The following NEBL variants were observed in gnomAD, a reference collection of about 807,000 sequenced individuals.
NEBL encodes the protein LIM and SH3 protein 2.
In NEBL, 122 loss-of-function variants were observed where a neutral mutation model predicts 140.2. That is an observed-to-expected ratio of 0.87 (90% CI 0.75 to 1.01). The LOEUF (loss-of-function observed/expected upper bound fraction) is 1.01, where lower values mean the gene tolerates loss of function less well. Ranked by LOEUF, NEBL falls within the 50% of genes least tolerant of loss-of-function variation. NEBL has a pLI of 0.00. For missense variants in NEBL, 1,365 were observed against 1,231.3 expected, an observed-to-expected ratio of 1.11 and a Z score of -1.62; for synonymous variants, 436 against 398.9, an observed-to-expected ratio of 1.09 and a Z score of -1.11.
chr10:21,208,243 G>T (rs763260955), intron 3 of NEBL, among the ~76,000 whole-genome samples: 2 of 152,144 alleles, frequency 1.3e-5, no homozygotes, highest in Non-Finnish European at 2.9e-5. Context: ...AGCTCATGGG[G>T]GTCCTTCAGA....
At chr10:21,270,162 ACTGCAACTCCC>A (rs1018138400) in intron 1 of NEBL, among the ~76,000 whole-genome samples, 5 of 152,200 alleles carry the variant, frequency 3.3e-5, no homozygotes, top group Non-Finnish European at 7.3e-5. Context: ...CATAAATGAT[ACTGCAACTCCC>A]CTACAGTTTC....
chr10:21,057,292 A>T (rs1835066519), intron 2 of NEBL, among the ~76,000 whole-genome samples: 1 of 152,128 alleles, frequency 6.6e-6, no homozygotes, highest in South Asian at 2.1e-4. Flanking sequence ...GGTAAGGCAG[A>T]GTAATGTGTG....
intron 3 of NEBL, among the ~76,000 whole-genome samples, chr10:20,990,214 T>C (rs945082277): frequency 3.0e-4 from 45 of 152,204 alleles, no homozygotes; most frequent in Admixed American, 1.4e-3. Context: ...GCCAATAAAC[T>C]TTATACAACT....
At chr10:20,851,264 G>C (rs1323859088) in intron 10 of NEBL, among the ~76,000 whole-genome samples, 3 of 151,908 alleles carry the variant, frequency 2.0e-5, no homozygotes, top group African/African-American at 7.3e-5. Flanking sequence ...TAAAATTTAT[G>C]TTTAATAATA....
intron 2 of NEBL, chr10:21,125,871 T>C: frequency 6.2e-7 from 1 of 1,613,992 alleles, no homozygotes; most frequent in Non-Finnish European, 8.5e-7. Flanking sequence ...TGAACTTTTC[T>C]TTTATGCCCT....
Position 20,897,190 on chromosome 10 carries a change from A to G in NEBL, c.16T>C (p.Phe6Leu), listed in dbSNP as rs777445403. 3.0e-5 allele frequency: 48 copies of G among 1,600,468 alleles called. No homozygotes were observed. In the Middle Eastern group the frequency reaches 5.0e-4, roughly 17 times the overall value. Residue 6 changes from phenylalanine (F) to leucine (L), a missense_variant, in exon 1 of 28, where the codon TTT becomes CTT. Transcript: ENST00000377122. MRVPVFEDIKDETEEE... is the reference protein window; with the variant it reads MRVPVLEDIKDETEEE... ...TCAGTTTCATCTTTTATATCCTCAA[A>G]TACAGGGACCCTCATTTTTACCCTT...
chr10:20,801,953 T>C (rs1429346495), intron 26 of NEBL, among the ~76,000 whole-genome samples: 1 of 152,042 alleles, frequency 6.6e-6, no homozygotes, highest in Non-Finnish European at 1.5e-5. Context: ...CACAGCAAAA[T>C]GGGAAAGGCC....
intron 2 of NEBL, among the ~76,000 whole-genome samples, chr10:21,106,896 C>G (rs1837743961): frequency 6.6e-6 from 1 of 152,022 alleles, no homozygotes; most frequent in South Asian, 2.1e-4. Flanking sequence ...TGAAGGGGTC[C>G]TTCACATCCC....
chr10:21,255,907 G>C (rs1267414349), intron 1 of NEBL, among the ~76,000 whole-genome samples: 1 of 151,448 alleles, frequency 6.6e-6, no homozygotes, highest in East Asian at 2.0e-4. Flanking sequence ...GCTTGAGCCC[G>C]GGAGGCAAAG....
chr10:20,923,104 T>C (rs555389310), intron 4 of NEBL, among the ~76,000 whole-genome samples: 31 of 152,278 alleles, frequency 2.0e-4, no homozygotes, highest in African/African-American at 7.5e-4. Flanking sequence ...GGTCTCGCTC[T>C]GTCACCCAGG....
At chr10:21,250,585 C>T (rs1842575152) in intron 2 of NEBL, among the ~76,000 whole-genome samples, 1 of 152,094 alleles carries the variant, frequency 6.6e-6, no homozygotes, top group South Asian at 2.1e-4. Flanking sequence ...TCCTTTATGA[C>T]AGAGCCTCTC....
chr10:20,845,549 C>A, intron 11 of NEBL, 181 bp from the exon 12 acceptor site: 2 of 557,506 alleles, frequency 3.6e-6, no homozygotes, highest in South Asian at 4.3e-5. Context: ...TTCTACCAAA[C>A]AAAGGAGAAT....
intron 1 of NEBL, among the ~76,000 whole-genome samples, chr10:21,274,399 T>C (rs536061950): frequency 5.6e-4 from 86 of 152,350 alleles, no homozygotes; most frequent in African/African-American, 2.0e-3. Context: ...CTATGCATTA[T>C]ACACTGCGTT....
At chr10:21,034,030 G>A (rs1438023651) in intron 2 of NEBL, among the ~76,000 whole-genome samples, 1 of 151,588 alleles carries the variant, frequency 6.6e-6, no homozygotes, top group Non-Finnish European at 1.5e-5. Flanking sequence ...AGCTGAGAGT[G>A]ATGGCACACA....
rs141649218 is a variant in NEBL at position 20,964,752 on chromosome 10, T to C, written c.250-2973A>G. 3.4e-3 allele frequency among the ~76,000 whole-genome samples: 511 copies of C among 152,252 alleles called. 3 individuals carry two copies. Among genetic ancestry groups the C allele is most frequent in the African/African-American group, 0.011 (466 of 41,540 alleles). Reference sequence around the variant, plus strand: ...GTAAAAGTGGAGTTGCTGACTACCATGTGGCCACTGTCCAATAATGAAGTC... The same window carrying C: ...GTAAAAGTGGAGTTGCTGACTACCACGTGGCCACTGTCCAATAATGAAGTC... On this transcript the variant is annotated intron_variant, in intron 3 of 6. Coordinates refer to the NEBL transcript ENST00000417816.
chr10:20,844,077 G>T (rs1050974156), intron 12 of NEBL, among the ~76,000 whole-genome samples: 5 of 152,112 alleles, frequency 3.3e-5, no homozygotes, highest in Non-Finnish European at 7.4e-5. Context: ...AGTGAGAAAA[G>T]ATAGTGCAGC....
At chr10:21,232,530 A>C (rs1374121445) in intron 3 of NEBL, among the ~76,000 whole-genome samples, 1 of 152,216 alleles carries the variant, frequency 6.6e-6, no homozygotes. Context: ...AGACAGTCCT[A>C]TCTGGGGATG....
chr10:20,937,031 G>A (rs1006209247), intron 4 of NEBL, among the ~76,000 whole-genome samples: 5 of 152,234 alleles, frequency 3.3e-5, no homozygotes, highest in East Asian at 3.9e-4. Flanking sequence ...CTTTGCTTTC[G>A]ATGTGTGATC....
At chr10:20,932,523 T>C (rs1834243058) in intron 4 of NEBL, among the ~76,000 whole-genome samples, 1 of 152,182 alleles carries the variant, frequency 6.6e-6, no homozygotes, top group Non-Finnish European at 1.5e-5. Context: ...CAAACCACCA[T>C]GGCACATGTA....
Sources: allele counts gnomAD v4.1 joint callset (sites outside exome capture counted in the v4.1 genomes callset), GRCh38; gene constraint gnomAD v4.1.1; transcripts MANE v1.5; gene names NCBI Gene and HGNC (gene_info 2026-07-23, HGNC 2026-07-21).